KYAT3: variants seen among roughly 807,000 people sequenced by gnomAD.
KYAT3 encodes kynurenine aminotransferase 3, also known as kynurenine--oxoglutarate transaminase 3.
In KYAT3, 50 loss-of-function variants were observed where a neutral mutation model predicts 59.0. The ratio of observed to expected loss-of-function variants is 0.85; its 90% CI spans 0.68 to 1.07. The LOEUF is 1.07. KYAT3 is among the 50% of genes least tolerant of loss of function. The pLI is 0.00. For synonymous variants in KYAT3, 148 were observed against 177.0 expected, an observed-to-expected ratio of 0.84 and a Z score of 1.30; for missense variants, 497 against 533.3, an observed-to-expected ratio of 0.93 and a Z score of 0.67.
chr1:88,985,369 A>G (rs1677393084), intron 2 of KYAT3, among the ~76,000 whole-genome samples: 1 of 152,198 alleles, frequency 6.6e-6, no homozygotes, highest in Non-Finnish European at 1.5e-5. Flanking sequence ...CAAGACAACT[A>G]GAAGTTTGGG....
intron 4 of KYAT3, among the ~76,000 whole-genome samples, chr1:88,967,792 C>T (rs1243923205): frequency 6.6e-6 from 1 of 151,904 alleles, no homozygotes; most frequent in Non-Finnish European, 1.5e-5. Context: ...TTTTATTGGT[C>T]AATCTAGCTA....
chr1:88,932,968 A>T (rs10922520), downstream of KYAT3, among the ~76,000 whole-genome samples: 29,569 of 152,024 alleles, frequency 0.19, 3,781 homozygotes, highest in African/African-American at 0.38. Context: ...ACTCATCAAA[A>T]ATGCCAGGCA....
At chr1:88,939,026 A>G (rs1675140345) in intron 13 of KYAT3, among the ~76,000 whole-genome samples, 2 of 152,190 alleles carry the variant, frequency 1.3e-5, no homozygotes, top group African/African-American at 2.4e-5. Context: ...ACTAACCACC[A>G]TAGAGATTTT....
chr1:88,952,182 T>C (rs1357098530), intron 10 of KYAT3, among the ~76,000 whole-genome samples: 6 of 152,252 alleles, frequency 3.9e-5, no homozygotes, highest in African/African-American at 1.2e-4. Flanking sequence ...GGAAACTTAA[T>C]ATGGTCATAT....
At chr1:88,955,475 G>A (rs1391531834) in intron 8 of KYAT3, among the ~76,000 whole-genome samples, 1 of 152,032 alleles carries the variant, frequency 6.6e-6, no homozygotes, top group African/African-American at 2.4e-5. Context: ...AATTAGTTCT[G>A]GGGCAGGAGT....
chr1:88,934,621 G>C (rs1350511312), downstream of KYAT3, among the ~76,000 whole-genome samples: 3 of 152,198 alleles, frequency 2.0e-5, no homozygotes, highest in Non-Finnish European at 4.4e-5. Context: ...TCCAACCCCA[G>C]GGTTGAGTTC....
rs150380564 is a variant in KYAT3, at chr1:88,990,110, C to A, written c.-1-1759G>T. On this transcript the variant is annotated intron_variant, in intron 1 of 13. Coordinates refer to ENST00000260508, the MANE Select transcript of KYAT3 (RefSeq NM_001008661.3). Reference sequence around the variant, plus strand: ...TCTACTTTCCCAAATCTAAAAAATCCTTGTTTTTTCCTTCCCAGTATAATA... The same window carrying A: ...TCTACTTTCCCAAATCTAAAAAATCATTGTTTTTTCCTTCCCAGTATAATA... 5.5e-3 allele frequency among the ~76,000 whole-genome samples: 831 copies of A among 152,218 alleles called. 9 individuals are homozygous for A. Among genetic ancestry groups the A allele is most frequent in the African/African-American group, 0.019 (792 of 41,500 alleles).
intron 10 of KYAT3, among the ~76,000 whole-genome samples, chr1:88,951,522 A>G (rs542373102): frequency 3.3e-5 from 5 of 152,234 alleles, no homozygotes; most frequent in South Asian, 4.1e-4. Flanking sequence ...GGCGTGAGCC[A>G]TTGTGCCTGG....
At chr1:88,975,750 G>A (rs1041947890) in intron 2 of KYAT3, among the ~76,000 whole-genome samples, 1 of 152,178 alleles carries the variant, frequency 6.6e-6, no homozygotes, top group African/African-American at 2.4e-5. Context: ...ACTATATGGA[G>A]CAGGCCGAGC....
At chr1:88,984,204 CTTTTT>C (rs908183722) in intron 2 of KYAT3, 130 of 81,722 alleles carry the variant, frequency 1.6e-3, no homozygotes, top group African/African-American at 3.1e-3. Flanking sequence ...TTTTTTGTTG[CTTTTT>C]TTTTTTTTTT....
intron 5 of KYAT3, chr1:88,964,545 A>C: frequency 3.1e-6 from 1 of 323,932 alleles, no homozygotes; most frequent in Non-Finnish European, 5.9e-6. Flanking sequence ...AGAAGACAGA[A>C]GAGTACTTAC....
Position 88,955,222 on chromosome 1 carries a change from G to T in KYAT3, c.791C>A (p.Thr264Asn), listed in dbSNP as rs751243286. 1 of 1,605,466 alleles carries T rather than the reference G, an allele frequency of 6.2e-7. No individual in the cohort carries two copies. The highest frequency in any genetic ancestry group is 8.5e-7 in the Non-Finnish European group (1 of 1,172,686). Residue 264 changes from threonine (T) to asparagine (N), a missense_variant, in exon 9 of 14, where the codon ACT becomes AAT. By Grantham distance (65) the Thr-to-Asn change is moderately conservative. Around this residue, in one of 2 missense-constraint regions of KYAT3, gnomAD observed 469 missense variants for 479.1 expected, o/e 0.98. Transcript: ENST00000260508. The stretch of plus-strand genomic sequence containing the variant: ...TGTTCTCTCCCACATACCTGGAAAA[G>T]TAGCTAAACAGAGGAGGAAAAAAGG... ...YSGNKHLKIA[T>N]FPGMWERTIT...
At chr1:88,932,812 T>G (rs1482947652), downstream of KYAT3, among the ~76,000 whole-genome samples, 1 of 152,090 alleles carries the variant, frequency 6.6e-6, no homozygotes, top group African/African-American at 2.4e-5. Flanking sequence ...ATTTTACATA[T>G]TTAAAAAAAT....
the KYAT3 span, among the ~76,000 whole-genome samples, chr1:88,928,426 G>T: frequency 6.6e-6 from 1 of 152,114 alleles, no homozygotes; most frequent in African/African-American, 2.4e-5. Context: ...TCAGGCAAGC[G>T]GACTTTGGAG....
intron 13 of KYAT3, among the ~76,000 whole-genome samples, chr1:88,940,194 C>A (rs1166673183): frequency 6.6e-6 from 1 of 152,038 alleles, no homozygotes; most frequent in South Asian, 2.1e-4. Flanking sequence ...CTCAGCCTCC[C>A]AAGTAACTGA....
rs149436017 is a variant in KYAT3 at position 88,986,160 on chromosome 1, G to A, written c.99+2092C>T. 8.9e-3 allele frequency among the ~76,000 whole-genome samples: 1,340 copies of A among 149,840 alleles called. 10 individuals carry two copies. Among genetic ancestry groups the A allele is most frequent in the Non-Finnish European group, 0.015 (1,003 of 67,090 alleles). On this transcript the variant is annotated intron_variant, in intron 2 of 13. Transcript: ENST00000260508. ...TGCGCCATTGCACTCCAGCCTGGGC[G>A]GCAAGAGTGAGAGACTGTATGAAAA...
intron 2 of KYAT3, chr1:88,984,204 CTTTTTTT>C (rs908183722): frequency 0.069 from 5,583 of 81,500 alleles, 133 homozygotes; most frequent in African/African-American, 0.22. Flanking sequence ...TTTTTTGTTG[CTTTTTTT>C]TTTTTTTTTT....
At chr1:88,955,660 C>A (rs1675882734) in intron 8 of KYAT3, among the ~76,000 whole-genome samples, 1 of 152,118 alleles carries the variant, frequency 6.6e-6, no homozygotes, top group Non-Finnish European at 1.5e-5. Context: ...TGCCTATTTT[C>A]TGAGTGTATT....
chr1:88,954,490 A>G, intron 9 of KYAT3, among the ~76,000 whole-genome samples: 1 of 152,192 alleles, frequency 6.6e-6, no homozygotes, highest in Non-Finnish European at 1.5e-5. Context: ...AACCTGGTAT[A>G]TATTTAGAAC....
Sources: allele counts gnomAD v4.1 joint callset (sites outside exome capture counted in the v4.1 genomes callset), GRCh38; gene constraint gnomAD v4.1.1; regional missense constraint gnomAD v4.1.1; transcripts MANE v1.5; gene names NCBI Gene and HGNC (gene_info 2026-07-23, HGNC 2026-07-21).